The following SMAP1 variants were observed in gnomAD, a reference collection of about 807,000 sequenced individuals.
SMAP1 encodes small ArfGAP 1.
Under a neutral mutation model 58.5 loss-of-function variants are expected in SMAP1, and 24 were observed. The observed-to-expected ratio is 0.41, with a 90% CI of 0.30 to 0.58. The LOEUF (loss-of-function observed/expected upper bound fraction) is 0.58, where lower values mean the gene tolerates loss of function less well. SMAP1 is among the 20% of genes least tolerant of loss of function. The probability of loss-of-function intolerance (pLI) is 0.29; values close to 1 mark genes in which losing one functional copy is unlikely to be tolerated. For synonymous variants in SMAP1, 216 were observed against 196.6 expected, an observed-to-expected ratio of 1.10 and a Z score of -0.82; for missense variants, 563 against 566.3, an observed-to-expected ratio of 0.99 and a Z score of 0.06.
intron 1 of SMAP1, among the ~76,000 whole-genome samples, chr6:70,705,327 C>G (rs549973102): frequency 6.6e-6 from 1 of 151,088 alleles, no homozygotes; most frequent in South Asian, 2.1e-4. Context: ...TCTTGGGTCT[C>G]TGCAGCTTCC....
intron 4 of SMAP1, among the ~76,000 whole-genome samples, chr6:70,784,791 A>G (rs1234884542): frequency 1.3e-5 from 2 of 152,238 alleles, no homozygotes; most frequent in Non-Finnish European, 2.9e-5. Context: ...AGGAGCACCC[A>G]GATTCATAAA....
chr6:70,861,802 G>A lies in SMAP1; in HGVS notation c.*1468G>A, dbSNP rs773526812. ...GCGCACTCTTCATGGTGACACTCGAGGTCGGGCAGCACAAGTGTAATGAAT... is the reference window on the plus strand; with the variant it reads ...GCGCACTCTTCATGGTGACACTCGAAGTCGGGCAGCACAAGTGTAATGAAT... On this transcript the variant is annotated 3_prime_UTR_variant, in exon 11 of 11. Coordinates refer to ENST00000370455, the MANE Select transcript of SMAP1 (RefSeq NM_001044305.3). 3 of 1,613,880 alleles carry A rather than the reference G, an allele frequency of 1.9e-6. No individual in the cohort carries two copies. In the East Asian group the frequency reaches 6.7e-5, roughly 36 times the overall value.
At chr6:70,695,437 T>C (rs1767360474) in intron 1 of SMAP1, among the ~76,000 whole-genome samples, 1 of 152,192 alleles carries the variant, frequency 6.6e-6, no homozygotes, top group African/African-American at 2.4e-5. Context: ...ATGGCTTTTA[T>C]TGTGTTGAGG....
chr6:70,669,300 C>T (rs1012429686), intron 1 of SMAP1, among the ~76,000 whole-genome samples: 2 of 152,092 alleles, frequency 1.3e-5, no homozygotes, highest in Non-Finnish European at 2.9e-5. Flanking sequence ...TGTTCTATCT[C>T]AATACTATAT....
intron 6 of SMAP1, among the ~76,000 whole-genome samples, chr6:70,825,128 T>C (rs1433471425): frequency 5.9e-5 from 9 of 152,206 alleles, no homozygotes; most frequent in Non-Finnish European, 8.8e-5. Context: ...GGGACACACA[T>C]TGCGCATATA....
intron 6 of SMAP1, among the ~76,000 whole-genome samples, chr6:70,830,170 C>T (rs937578122): frequency 3.3e-5 from 5 of 152,080 alleles, no homozygotes; most frequent in African/African-American, 1.2e-4. Context: ...TTTATCTACC[C>T]ACAGTTGACT....
chr6:70,681,076 T>G (rs1230687987), intron 1 of SMAP1, among the ~76,000 whole-genome samples: 1 of 150,740 alleles, frequency 6.6e-6, no homozygotes, highest in Non-Finnish European at 1.5e-5. Context: ...AGAAAACAGG[T>G]CAGTGGTTGC....
At position 70,860,267 on chromosome 6, in the gene SMAP1, CCAGCA is replaced by C; in HGVS notation, c.1340_1344del (p.Ser447AsnfsTer33). The C allele has an allele frequency of 6.2e-7, 1 of 1,613,770 alleles. No individual in the cohort carries two copies. The highest frequency in any genetic ancestry group is 8.5e-7 in the Non-Finnish European group (1 of 1,179,868). On this transcript the variant is annotated frameshift_variant, in exon 11 of 11. Coordinates refer to ENST00000370455, the MANE Select transcript of SMAP1 (RefSeq NM_001044305.3). LOFTEE classifies it high-confidence loss of function. ...CCTACTGCAGGTTTTGGCCAGCCCT[CCAGCA>C]CAACAGCAGGATGGTCTGGAAGCTC...
intron 2 of SMAP1, among the ~76,000 whole-genome samples, chr6:70,749,483 TATTTTAAC>T (rs1174328286): frequency 2.0e-5 from 3 of 152,210 alleles, no homozygotes; most frequent in Non-Finnish European, 4.4e-5. Flanking sequence ...AAGATTTGAC[TATTTTAAC>T]ATTTTGCAGT....
intron 2 of SMAP1, among the ~76,000 whole-genome samples, chr6:70,739,547 T>C (rs1582091739): frequency 6.6e-6 from 1 of 152,186 alleles, no homozygotes; most frequent in East Asian, 1.9e-4. Context: ...AAAGTGAGTT[T>C]CTTTTAGACC....
intron 7 of SMAP1, among the ~76,000 whole-genome samples, chr6:70,842,715 C>T (rs977894295): frequency 5.9e-5 from 9 of 152,028 alleles, no homozygotes; most frequent in African/African-American, 1.7e-4. Context: ...GGTTTGGGGC[C>T]GTGCAGTGGT....
At chr6:70,727,849 G>T (rs1454202865) in intron 1 of SMAP1, among the ~76,000 whole-genome samples, 1 of 152,066 alleles carries the variant, frequency 6.6e-6, no homozygotes, top group Non-Finnish European at 1.5e-5. Flanking sequence ...GAATGCTTGA[G>T]CCCAGAAGTT....
intron 1 of SMAP1, among the ~76,000 whole-genome samples, chr6:70,708,747 G>A (rs979017566): frequency 2.0e-5 from 3 of 152,078 alleles, no homozygotes; most frequent in Admixed American, 2.0e-4. Context: ...ATATGTATTG[G>A]CTATTTTTAT....
intron 1 of SMAP1, among the ~76,000 whole-genome samples, chr6:70,728,505 C>T (rs932390463): frequency 1.3e-5 from 2 of 152,148 alleles, no homozygotes; most frequent in African/African-American, 4.8e-5. Context: ...GAGTATTTGA[C>T]TGAGTCATCA....
At chr6:70,683,064 C>G (rs1474691130) in intron 1 of SMAP1, among the ~76,000 whole-genome samples, 1 of 151,938 alleles carries the variant, frequency 6.6e-6, no homozygotes, top group African/African-American at 2.4e-5. Flanking sequence ...CTTACTGTAC[C>G]CAGTCTGTTA....
At chr6:70,680,670 C>T (rs576149076) in intron 1 of SMAP1, among the ~76,000 whole-genome samples, 1 of 144,816 alleles carries the variant, frequency 6.9e-6, no homozygotes, top group Non-Finnish European at 1.5e-5. Flanking sequence ...AATCCATACA[C>T]AAAAGACAAC....
chr6:70,695,023 GTTTA>G (rs1160249288), intron 1 of SMAP1, among the ~76,000 whole-genome samples: 3 of 151,774 alleles, frequency 2.0e-5, no homozygotes, highest in African/African-American at 7.3e-5. Context: ...TTCTTTTCAA[GTTTA>G]TTTATCTCAT....
chr6:70,783,540 G>C (rs956244129), intron 4 of SMAP1, among the ~76,000 whole-genome samples: 1 of 152,110 alleles, frequency 6.6e-6, no homozygotes, highest in Admixed American at 6.5e-5. Flanking sequence ...TGGCAAAGAA[G>C]TTAAAAACTT....
intron 7 of SMAP1, among the ~76,000 whole-genome samples, chr6:70,840,598 A>G (rs892890165): frequency 6.6e-6 from 1 of 151,880 alleles, no homozygotes; most frequent in East Asian, 1.9e-4. Flanking sequence ...TGTTCCTATC[A>G]ACTGTAAAAA....
Sources: allele counts gnomAD v4.1 joint callset (sites outside exome capture counted in the v4.1 genomes callset), GRCh38; gene constraint gnomAD v4.1.1; transcripts MANE v1.5; gene names NCBI Gene and HGNC (gene_info 2026-07-23, HGNC 2026-07-21).